Variants in ARHGAP35 observed in about 807,000 individuals in gnomAD.
ARHGAP35 encodes the protein rho GTPase-activating protein 35.
A neutral mutation model predicts 111.1 loss-of-function variants in ARHGAP35; 15 were observed. That is an observed-to-expected ratio of 0.13 (90% CI 0.09 to 0.21). The LOEUF (loss-of-function observed/expected upper bound fraction) is 0.21. ARHGAP35 is among the 10% of genes least tolerant of loss of function. ARHGAP35 has a pLI of 1.00. For missense variants in ARHGAP35, 1,262 were observed against 1,873.0 expected, an observed-to-expected ratio of 0.67 and a Z score of 6.02; for synonymous variants, 643 against 710.3, an observed-to-expected ratio of 0.91 and a Z score of 1.51.
chr19:46,974,927 A>G (rs2122302312), intron 3 of ARHGAP35, among the ~76,000 whole-genome samples: 1 of 152,204 alleles, frequency 6.6e-6, no homozygotes, highest in South Asian at 2.1e-4. Flanking sequence ...GCTGAGTGCA[A>G]TGGCACGATC....
chr19:46,957,383 G>T (rs1377064273), intron 3 of ARHGAP35, among the ~76,000 whole-genome samples: 1 of 152,128 alleles, frequency 6.6e-6, no homozygotes, highest in African/African-American at 2.4e-5. Context: ...GGAGGCCGAG[G>T]CAGGAGGATC....
At chr19:46,935,096 TAAA>T (rs529928958) in intron 2 of ARHGAP35, among the ~76,000 whole-genome samples, 1 of 152,180 alleles carries the variant, frequency 6.6e-6, no homozygotes, top group Non-Finnish European at 1.5e-5. Context: ...ACTTCTTTGG[TAAA>T]AAAAGTCTGA....
At chr19:46,861,886 G>A (rs2055830679) in intron 1 of ARHGAP35, among the ~76,000 whole-genome samples, 1 of 150,656 alleles carries the variant, frequency 6.6e-6, no homozygotes, top group Non-Finnish European at 1.5e-5. Context: ...CTTCCCCTTG[G>A]ACTGAATCCC....
rs528098851 is a variant in ARHGAP35, at chr19:47,000,014, C to T, written c.4143-317C>T. Among the ~76,000 whole-genome samples, 2 of 152,206 alleles carry T rather than the reference C, an allele frequency of 1.3e-5. No homozygotes were observed. Among genetic ancestry groups the T allele is most frequent in the East Asian group, 1.9e-4 (1 of 5,188 alleles). The stretch of plus-strand genomic sequence containing the variant: ...CTTAGGACACTCAGCCTCCCTCCCT[C>T]GTCACAGCCGGAGCACCGCCACTGC... On this transcript the variant is annotated intron_variant, in intron 6 of 6. Transcript: ENST00000672722. The surrounding 1 kb of genome is among the most constrained non-coding windows in gnomAD (Gnocchi z 6.9).
chr19:46,887,975 G>A (rs936577311), intron 1 of ARHGAP35, among the ~76,000 whole-genome samples: 7 of 148,394 alleles, frequency 4.7e-5, no homozygotes, highest in Middle Eastern at 3.5e-3. Context: ...TTTCTGAGAC[G>A]GAGTCTTGCT....
At chr19:46,969,042 G>A (rs532382625) in intron 3 of ARHGAP35, among the ~76,000 whole-genome samples, 210 of 152,252 alleles carry the variant, frequency 1.4e-3, no homozygotes, top group African/African-American at 4.8e-3. Flanking sequence ...AGCCAAGGTT[G>A]CACCACTGCA....
chr19:47,000,064 C>T lies in ARHGAP35; in HGVS notation c.4143-267C>T, dbSNP rs2056737529. ...CTTTGGCTGGCTGCAGAGTGAGTCCCTGAGGTGGTCCATCCACCCCCAGGG... is the reference window on the plus strand; with the variant it reads ...CTTTGGCTGGCTGCAGAGTGAGTCCTTGAGGTGGTCCATCCACCCCCAGGG... On this transcript the variant is annotated intron_variant, in intron 6 of 6. Coordinates refer to ENST00000672722, the MANE Select transcript of ARHGAP35 (RefSeq NM_004491.5). This position sits in a 1 kb window ranked among gnomAD's most constrained non-coding sequence, Gnocchi z 6.9. Among the ~76,000 whole-genome samples the T allele has an allele frequency of 6.6e-6, 1 of 152,188 alleles. No homozygotes were observed. Among genetic ancestry groups the T allele is most frequent in the Admixed American group, 6.5e-5 (1 of 15,278 alleles).
chr19:46,978,551 GT>G (rs2056592206), intron 3 of ARHGAP35, among the ~76,000 whole-genome samples: 1 of 147,252 alleles, frequency 6.8e-6, no homozygotes, highest in Non-Finnish European at 1.5e-5. Flanking sequence ...TGTGTGTGTG[GT>G]GAGGTGTGTG....
At chr19:46,998,871 C>T (rs1031872880) in intron 5 of ARHGAP35, among the ~76,000 whole-genome samples, 2 of 152,272 alleles carry the variant, frequency 1.3e-5, no homozygotes, top group African/African-American at 4.8e-5. Flanking sequence ...TCATGACCGA[C>T]TGACTCCCTC....
At chr19:46,898,477 T>C (rs2056068639) in intron 1 of ARHGAP35, among the ~76,000 whole-genome samples, 1 of 152,234 alleles carries the variant, frequency 6.6e-6, no homozygotes, top group South Asian at 2.1e-4. Flanking sequence ...AATTTCATTT[T>C]CTGGGATATT....
At chr19:46,902,127 ATTAC>A (rs2056085788) in intron 1 of ARHGAP35, among the ~76,000 whole-genome samples, 1 of 152,150 alleles carries the variant, frequency 6.6e-6, no homozygotes, top group Non-Finnish European at 1.5e-5. Flanking sequence ...AGCTGATTTG[ATTAC>A]TTAAAGAAGG....
intron 1 of ARHGAP35, among the ~76,000 whole-genome samples, chr19:46,866,498 T>G (rs2122853214): frequency 6.6e-6 from 1 of 152,340 alleles, no homozygotes; most frequent in South Asian, 2.1e-4. Flanking sequence ...AACAAATTGC[T>G]TGACCTCTCT....
chr19:46,962,802 T>C (rs577449626), intron 3 of ARHGAP35, among the ~76,000 whole-genome samples: 1 of 152,066 alleles, frequency 6.6e-6, no homozygotes, highest in African/African-American at 2.4e-5. Context: ...TTAGTAGAGA[T>C]GAGGTTTTAC....
At chr19:46,882,138 CTT>C (rs111690310) in intron 1 of ARHGAP35, among the ~76,000 whole-genome samples, 27 of 143,806 alleles carry the variant, frequency 1.9e-4, no homozygotes, top group South Asian at 2.2e-4. Context: ...CTTTCTTTCC[CTT>C]TTTTTTTTTT....
At chr19:46,911,283 G>T (rs1203511390) in intron 1 of ARHGAP35, among the ~76,000 whole-genome samples, 1 of 152,008 alleles carries the variant, frequency 6.6e-6, no homozygotes, top group Non-Finnish European at 1.5e-5. Context: ...TCTTTCTCTG[G>T]ATCCCAGGAA....
intron 1 of ARHGAP35, among the ~76,000 whole-genome samples, chr19:46,916,157 A>G (rs771835344): frequency 3.3e-5 from 5 of 151,724 alleles, no homozygotes; most frequent in African/African-American, 4.8e-5. Flanking sequence ...GATGGTCTTG[A>G]TCTCCTGACC....
intron 3 of ARHGAP35, among the ~76,000 whole-genome samples, chr19:46,939,933 G>A (rs1030908377): frequency 1.3e-5 from 2 of 150,924 alleles, no homozygotes; most frequent in African/African-American, 4.9e-5. Context: ...TGGACCACAC[G>A]TTACATTTAG....
Position 46,871,144 on chromosome 19 carries a change from C to A in ARHGAP35, c.-189+9935C>A, listed in dbSNP as rs1248953858. 2.0e-5 allele frequency among the ~76,000 whole-genome samples: 3 copies of A among 152,266 alleles called. No homozygotes were observed. The South Asian group carries it at 6.2e-4, about 32-fold the overall frequency. The stretch of plus-strand genomic sequence containing the variant: ...ACGGTGATTTCATTGTATAAACTGT[C>A]ACAAGTGTGAAAGCATTCTTTTAAC... On this transcript the variant is annotated intron_variant, in intron 1 of 6. Transcript: ENST00000672722.
At chr19:46,998,711 T>C (rs1032324764) in intron 5 of ARHGAP35, among the ~76,000 whole-genome samples, 1 of 152,260 alleles carries the variant, frequency 6.6e-6, no homozygotes, top group African/African-American at 2.4e-5. Context: ...TAGGATTCCA[T>C]GATAGGCAAA....
Sources: gnomAD v4.1 joint callset for allele counts (sites outside exome capture counted in the v4.1 genomes callset) on GRCh38, gnomAD v4.1.1 for gene constraint, Gnocchi (gnomAD v3.1) non-coding constraint, MANE v1.5 for transcripts, NCBI Gene and HGNC (gene_info 2026-07-23, HGNC 2026-07-21) for gene names.